TRRAP: variants seen among roughly 807,000 people sequenced by gnomAD.
TRRAP encodes the protein transformation/transcription domain-associated protein.
TRRAP carries 41 observed loss-of-function variants against 438.8 expected under a neutral mutation model. The observed-to-expected ratio is 0.09, with a 90% confidence interval of 0.07 to 0.12. The LOEUF (loss-of-function observed/expected upper bound fraction) is 0.12, where lower values mean the gene tolerates loss of function less well. Among genes scored for constraint, TRRAP ranks in the 10% least tolerant of loss-of-function variants. The probability of loss-of-function intolerance (pLI) is 1.00; values close to 1 mark genes in which losing one functional copy is unlikely to be tolerated. For synonymous variants in TRRAP, 1,994 were observed against 1,962.9 expected, an observed-to-expected ratio of 1.02 and a Z score of -0.42; for missense variants, 3,122 against 5,055.1, an observed-to-expected ratio of 0.62 and a Z score of 11.60.
Position 98,899,491 on chromosome 7 carries a change from A to G in TRRAP, c.703A>G (p.Met235Val). 1 of 1,614,130 alleles carries G rather than the reference A, an allele frequency of 6.2e-7. No homozygotes were observed. Among genetic ancestry groups the G allele is most frequent in the Non-Finnish European group, 8.5e-7 (1 of 1,180,022 alleles). The change falls in exon 9 of 73, where the codon ATG becomes GTG. Residue 235 changes from methionine to valine, a missense_variant. By Grantham distance (21) the Met-to-Val change is conservative. Coordinates refer to ENST00000456197, the MANE Select transcript of TRRAP (RefSeq NM_001375524.1). ...AGAATTGCCCATTATTGTTGTTTTA[A>G]TGTATCAGGTATGTGTATTGCTCAT... ...LAELPIIVVL[M>V]YQLYKLNIHN... is the part of the protein sequence containing the mutation.
At chr7:98,960,836 C>T (rs1791858344) in intron 45 of TRRAP, among the ~76,000 whole-genome samples, 1 of 151,824 alleles carries the variant, frequency 6.6e-6, no homozygotes, top group South Asian at 2.1e-4. Context: ...AGGCCAGCCT[C>T]AAATTCCTGG....
intron 23 of TRRAP, among the ~76,000 whole-genome samples, chr7:98,927,745 G>C (rs1205731879): frequency 6.6e-6 from 1 of 151,982 alleles, no homozygotes; most frequent in Non-Finnish European, 1.5e-5. Flanking sequence ...TCCATCACCT[G>C]CTCCCTGCTC....
At chr7:98,965,552 C>T in intron 48 of TRRAP, 144 bp from the exon 49 acceptor site, 1 of 1,080,842 alleles carries the variant, frequency 9.3e-7, no homozygotes, top group Non-Finnish European at 1.4e-6. Flanking sequence ...CATATGAGTG[C>T]TTCAAATCCC....
chr7:98,974,381 C>T (rs771548453), intron 53 of TRRAP, among the ~76,000 whole-genome samples: 2 of 152,292 alleles, frequency 1.3e-5, no homozygotes, highest in East Asian at 3.9e-4. Flanking sequence ...GTGGAGAGGG[C>T]GGTCCTCACC....
Position 98,961,367 on chromosome 7 carries a change from C to A in TRRAP, c.6596C>A (p.Pro2199His), listed in dbSNP as rs777582022. Residue 2199 changes from proline (P) to histidine (H), a missense_variant, in exon 46 of 73, where the codon CCT becomes CAT. Coordinates refer to ENST00000456197, the MANE Select transcript of TRRAP (RefSeq NM_001375524.1). Reference protein sequence around the residue: ...QSPAILSSFKPLQRGIAACMT... With the variant: ...QSPAILSSFKHLQRGIAACMT... The stretch of plus-strand genomic sequence containing the variant: ...CCAGCCATCCTCAGTAGCTTCAAAC[C>A]TCTGCAGCGTGGAATTGCCGCCTGC... 2.5e-6 allele frequency: 4 copies of A among 1,614,218 alleles called. No homozygotes were observed. The highest frequency in any genetic ancestry group is 8.5e-7 in the Non-Finnish European group (1 of 1,180,042).
chr7:99,003,725 T>TG (rs1794038020), intron 67 of TRRAP, among the ~76,000 whole-genome samples: 1 of 152,210 alleles, frequency 6.6e-6, no homozygotes, highest in African/African-American at 2.4e-5. Flanking sequence ...GTCAGCCTCT[T>TG]GGGGAGCAAG....
intron 21 of TRRAP, among the ~76,000 whole-genome samples, chr7:98,922,554 A>G (rs1789846831): frequency 6.6e-6 from 1 of 152,018 alleles, no homozygotes. Flanking sequence ...TGTCAGCATC[A>G]TTCCATCGTC....
At position 98,976,958 on chromosome 7, in the gene TRRAP, C is replaced by T. The variant is rs147113227; in HGVS notation, c.8267C>T (p.Ala2756Val). Residue 2756 changes from alanine (A) to valine (V), a missense_variant, in exon 56 of 73, where the codon GCG becomes GTG. Ala to Val is a moderately conservative substitution (Grantham distance 64). Around this residue, in one of 24 missense-constraint regions of TRRAP, gnomAD observed 992 missense variants for 1,281.2 expected, o/e 0.77. Coordinates refer to ENST00000456197, the MANE Select transcript of TRRAP (RefSeq NM_001375524.1). This position sits in a 1 kb window ranked among gnomAD's most constrained non-coding sequence, Gnocchi z 4.6. The stretch of plus-strand genomic sequence containing the variant: ...TTTCAGGAGATACTGGATTCCCTTG[C>T]GGAGCTTTACTCCCTGTTACAAGAG... ...PPQQEILDSLAELYSLLQEED... is the reference protein window; with the variant it reads ...PPQQEILDSLVELYSLLQEED... 73 of 1,614,142 alleles carry T rather than the reference C, an allele frequency of 4.5e-5. No homozygotes were observed. The highest frequency in any genetic ancestry group is 1.8e-4 in the South Asian group (16 of 91,080).
chr7:99,007,809 G>GT (rs1236741430), intron 69 of TRRAP, among the ~76,000 whole-genome samples: 1 of 148,918 alleles, frequency 6.7e-6, no homozygotes, highest in African/African-American at 2.5e-5. Flanking sequence ...TTTATTTTTT[G>GT]TTTTTTTAAG....
chr7:99,008,536 C>A lies in TRRAP; in HGVS notation c.10913C>A (p.Ala3638Glu), dbSNP rs1794294985. The A allele has an allele frequency of 6.2e-7, 1 of 1,613,652 alleles. No homozygotes were observed. The highest frequency in any genetic ancestry group is 8.5e-7 in the Non-Finnish European group (1 of 1,180,016). Residue 3638 changes from alanine to glutamate, a missense_variant, in exon 70 of 73, where the codon GCG becomes GAG. Around this residue, in one of 24 missense-constraint regions of TRRAP, gnomAD observed 192 missense variants for 355.6 expected, o/e 0.54. Transcript: ENST00000456197. ...TATGACCGGCTGGCTACGGTGCAGG[C>A]GCGGGGAACCCAAGCCAGCCACCAG... The part of the protein sequence containing the change: ...RYYDRLATVQ[A>E]RGTQASHQVL...
chr7:98,881,503 C>G (rs1276545874), intron 2 of TRRAP: 4 of 318,348 alleles, frequency 1.3e-5, no homozygotes, highest in African/African-American at 2.2e-5. Context: ...ACCCAGGAGG[C>G]AGAGGTTGCA....
chr7:99,011,009 A>AT lies in TRRAP; in HGVS notation c.10939-42dup. 1 of 1,571,078 alleles carries AT rather than the reference A, an allele frequency of 6.4e-7. No homozygotes were observed. The highest frequency in any genetic ancestry group is 1.4e-5 in the African/African-American group (1 of 73,812). ...TGAGAATTTTTCTTTTCCAAAAAAA[A>AT]TCAGTGAGTGAGATGGGAGTGTCAC... On this transcript the variant is annotated intron_variant, in intron 70 of 72. Coordinates refer to ENST00000456197, the MANE Select transcript of TRRAP (RefSeq NM_001375524.1). This position sits in a 1 kb window ranked among gnomAD's most constrained non-coding sequence, Gnocchi z 7.1.
rs773832222 is a variant in TRRAP at position 99,012,387 on chromosome 7, G to A, written c.*32G>A. ...CCGCCACGGCCACCCGGAATGTGAA[G>A]GGCGCTCCGGGCTCTGAGCCCGCAG... On this transcript the variant is annotated 3_prime_UTR_variant, in exon 73 of 73. Coordinates refer to ENST00000456197, the MANE Select transcript of TRRAP (RefSeq NM_001375524.1). The surrounding 1 kb of genome is among the most constrained non-coding windows in gnomAD (Gnocchi z 5.9). 2.6e-6 allele frequency: 4 copies of A among 1,549,790 alleles called. No individual in the cohort carries two copies. In the East Asian group the frequency reaches 9.6e-5, roughly 37 times the overall value.
chr7:98,924,502 A>G (rs1414772478), intron 21 of TRRAP, among the ~76,000 whole-genome samples: 1 of 152,116 alleles, frequency 6.6e-6, no homozygotes, highest in African/African-American at 2.4e-5. Context: ...CCTGGCTAAC[A>G]CAGTGAAACC....
intron 33 of TRRAP, among the ~76,000 whole-genome samples, chr7:98,946,586 C>T (rs1336336645): frequency 1.3e-5 from 2 of 151,292 alleles, no homozygotes; most frequent in Admixed American, 6.6e-5. Context: ...GCACACACCA[C>T]ATATGCACAC....
chr7:98,914,299 C>G (rs1433031849), intron 18 of TRRAP, among the ~76,000 whole-genome samples: 1 of 151,812 alleles, frequency 6.6e-6, no homozygotes, highest in Non-Finnish European at 1.5e-5. Context: ...ACTCAGGAAG[C>G]CGAAGAGAGA....
chr7:98,899,359 C>T, intron 8 of TRRAP, 63 bp from the exon 9 acceptor site: 1 of 1,407,990 alleles, frequency 7.1e-7, no homozygotes, highest in African/African-American at 1.4e-5. Context: ...TCAGTGGGCA[C>T]TGGTGGGGGC....
Position 98,981,792 on chromosome 7 carries a change from G to C in TRRAP, c.8658G>C (p.Glu2886Asp). ...AGGTGGAAGTGAGCTGTCCGAAGGA[G>C]ATGGCCTGGAAGGTGAACATGTACC... The part of the protein sequence containing the change: ...LVQVEVSCPK[E>D]MAWKVNMYRG... The change falls in exon 59 of 73, where the codon GAG (glutamate) becomes GAC (aspartate). Residue 2886 changes from glutamate to aspartate, a missense_variant. Physicochemically the swap from Glu to Asp is conservative, Grantham distance 45. Coordinates refer to ENST00000456197, the MANE Select transcript of TRRAP (RefSeq NM_001375524.1). 3 of 1,605,646 alleles carry C rather than the reference G, an allele frequency of 1.9e-6. No individual in the cohort carries two copies. The highest frequency in any genetic ancestry group is 2.5e-6 in the Non-Finnish European group (3 of 1,176,550).
Position 98,927,378 on chromosome 7 carries a change from G to A in TRRAP, c.3175+12G>A, listed in dbSNP as rs548868213. 6.2e-7 allele frequency: 1 copy of A among 1,613,484 alleles called. No individual in the cohort carries two copies. Among genetic ancestry groups the A allele is most frequent in the Admixed American group, 1.7e-5 (1 of 59,984 alleles). On this transcript the variant is annotated intron_variant, in intron 23 of 72. Coordinates refer to ENST00000456197, the MANE Select transcript of TRRAP (RefSeq NM_001375524.1). The stretch of plus-strand genomic sequence containing the variant: ...CGCCCAGCAGTGTGGTGAGCACGGG[G>A]GCACGGTGGGGCACGGGATTGGTTC...
Sources: gnomAD v4.1 joint callset for allele counts (sites outside exome capture counted in the v4.1 genomes callset) on GRCh38, gnomAD v4.1.1 for gene constraint, gnomAD v4.1.1 regional missense constraint, Gnocchi (gnomAD v3.1) non-coding constraint, MANE v1.5 for transcripts, NCBI Gene and HGNC (gene_info 2026-07-23, HGNC 2026-07-21) for gene names.